The following CHRFAM7A variants were observed in gnomAD, a reference collection of about 807,000 sequenced individuals.
The protein encoded by CHRFAM7A is CHRNA7 (exons 5-10) and FAM7A (exons A-E) fusion.
A neutral mutation model predicts 29.2 loss-of-function variants in CHRFAM7A; 3 were observed. That is an observed-to-expected ratio of 0.10 (90% CI 0.05 to 0.27). The LOEUF (loss-of-function observed/expected upper bound fraction) is 0.27, where lower values mean the gene tolerates loss of function less well. CHRFAM7A is among the 10% of genes least tolerant of loss of function. The probability of loss-of-function intolerance (pLI) is 1.00; values close to 1 mark genes in which losing one functional copy is unlikely to be tolerated. For missense variants in CHRFAM7A, 22 were observed against 328.0 expected, an observed-to-expected ratio of 0.07 and a Z score of 7.21; for synonymous variants, 7 against 135.4, an observed-to-expected ratio of 0.05 and a Z score of 6.58.
chr15:30,375,810 T>C (rs1220245411), intron 5 of CHRFAM7A, among the ~76,000 whole-genome samples: 3 of 144,588 alleles, frequency 2.1e-5, no homozygotes, highest in Admixed American at 6.8e-5. Context: ...ATGTGAGTGG[T>C]TGTGTGAGTG....
intron 9 of CHRFAM7A, among the ~76,000 whole-genome samples, chr15:30,365,801 CTTTTTTTTTTTTTTTTT>C (rs1165285566): frequency 6.7e-5 from 5 of 74,258 alleles, no homozygotes; most frequent in Non-Finnish European, 1.2e-4. Context: ...ACAAGTGAGT[CTTTTTTTTTTTTTTTTT>C]TTTTTTTTTT....
chr15:30,366,463 C>CT (rs1462807834), intron 9 of CHRFAM7A, among the ~76,000 whole-genome samples: 1 of 114,230 alleles, frequency 8.8e-6, no homozygotes, highest in East Asian at 2.8e-4. Flanking sequence ...GAGAGGATCC[C>CT]TGGGTGGGTG....
intron 7 of CHRFAM7A, among the ~76,000 whole-genome samples, chr15:30,371,767 A>C (rs1393645350): frequency 6.9e-6 from 1 of 144,508 alleles, no homozygotes; most frequent in African/African-American, 2.6e-5. Flanking sequence ...TACACTGGGT[A>C]CTGTAACATA....
At chr15:30,374,886 TG>T (rs1321005895) in intron 5 of CHRFAM7A, among the ~76,000 whole-genome samples, 11 of 118,518 alleles carry the variant, frequency 9.3e-5, no homozygotes, top group Non-Finnish European at 1.6e-4. Context: ...GGCAGCATCC[TG>T]GGACTCGTTC....
Position 30,361,577 on chromosome 15 carries a change from C to T in CHRFAM7A, c.*716G>A, listed in dbSNP as rs2058741994. On this transcript the variant is annotated 3_prime_UTR_variant, in exon 10 of 10. Transcript: ENST00000299847. The stretch of plus-strand genomic sequence containing the variant: ...TATCTGGGATCCACCAAAGACACTC[C>T]GCGGGGCCTGGCCCTTGTTCAGAAT... The T allele has an allele frequency of 8.0e-6, 1 of 124,426 alleles. No individual in the cohort carries two copies. The highest frequency in any genetic ancestry group is 1.7e-5 in the Non-Finnish European group (1 of 58,950). The allele number at this position is 124,426 out of a possible 1,614,324, so 7.7% of individuals were successfully genotyped here. A position where few individuals can be genotyped will look rare whatever the true frequency, so the allele number is the denominator to read the frequency against.
At chr15:30,376,249 G>T (rs1037510564) in intron 5 of CHRFAM7A, among the ~76,000 whole-genome samples, 2 of 142,582 alleles carry the variant, frequency 1.4e-5, no homozygotes, top group Non-Finnish European at 3.1e-5. Flanking sequence ...TGGTAGTTAG[G>T]TGTGGAGGTA....
chr15:30,373,559 G>A (rs2058889753), intron 5 of CHRFAM7A, among the ~76,000 whole-genome samples: 1 of 131,128 alleles, frequency 7.6e-6, no homozygotes, highest in African/African-American at 2.8e-5. Context: ...TTTGGTGCGG[G>A]GTGAGGTAGG....
intron 5 of CHRFAM7A, among the ~76,000 whole-genome samples, chr15:30,376,051 AGT>A (rs1192960086): frequency 2.4e-3 from 334 of 141,566 alleles, no homozygotes; most frequent in Middle Eastern, 8.6e-3. Flanking sequence ...TTGTGTGAAC[AGT>A]GTGTGTGGGT....
chr15:30,367,441 CG>C lies in CHRFAM7A; in HGVS notation c.696del (p.Asp233ThrfsTer14), dbSNP rs2058801611. On this transcript the variant is annotated frameshift_variant, in exon 9 of 10. Transcript: ENST00000299847. LOFTEE classifies it high-confidence loss of function. ...ACCCACTTGGGCATCTTGCCCCCGT[CG>C]GGGTCGTGGTGGTGGTACTGCAGCA... ...VIVLQYHHHD[P>X]DGGKMPKWTR... 1 of 1,607,898 alleles carries C rather than the reference CG, an allele frequency of 6.2e-7. No individual in the cohort carries two copies. Among genetic ancestry groups the C allele is most frequent in the African/African-American group, 1.3e-5 (1 of 74,374 alleles).
intron 9 of CHRFAM7A, 105 bp from the exon 10 acceptor site, chr15:30,362,916 G>T (rs1369221376): frequency 7.0e-7 from 1 of 1,434,658 alleles, no homozygotes; most frequent in Admixed American, 2.0e-5. Flanking sequence ...GGTCCTGGGG[G>T]TAGCAGCCTC....
In CHRFAM7A at chr15:30,371,076, A is replaced by G; in HGVS notation, c.610+22T>C. 3 of 964,628 alleles carry G rather than the reference A, an allele frequency of 3.1e-6. 1 individual carries two copies. In the South Asian group the frequency reaches 4.4e-5, roughly 14 times the overall value. 59.8% of individuals were successfully genotyped at this position (964,628 alleles called of 1,614,324 possible). On this transcript the variant is annotated intron_variant, in intron 8 of 9. Transcript: ENST00000299847. ...AACCCTAACCCCATATCTCTAAGAG[A>G]GGAGCCCAACTCTTGCCTTACCTAT...
chr15:30,373,464 G>A (rs2140885869), intron 5 of CHRFAM7A, among the ~76,000 whole-genome samples: 1 of 134,414 alleles, frequency 7.4e-6, no homozygotes, highest in Non-Finnish European at 1.6e-5. Context: ...AGTAAAGAAT[G>A]CAAAATATCT....
At chr15:30,367,774 A>G (rs1333700937) in intron 8 of CHRFAM7A, among the ~76,000 whole-genome samples, 10 of 118,306 alleles carry the variant, frequency 8.5e-5, no homozygotes, top group African/African-American at 2.3e-4. Flanking sequence ...TTGTCAGTCA[A>G]TAAGAGCTAG....
chr15:30,377,687 G>A (rs1210380089), intron 4 of CHRFAM7A, among the ~76,000 whole-genome samples: 6 of 140,742 alleles, frequency 4.3e-5, no homozygotes, highest in African/African-American at 1.6e-4. Context: ...TCATCCTCCT[G>A]CCTCAGCTTC....
In CHRFAM7A at chr15:30,376,004, G is replaced by C. The variant is rs1347232550; in HGVS notation, c.160+1026C>G. ...AGTCGTGGGTGGTATGTGAGTGGTT[G>C]TGTGAGTGGTGTGTGTGATTGTGAG... On this transcript the variant is annotated intron_variant, in intron 5 of 9. Coordinates refer to ENST00000299847, the MANE Select transcript of CHRFAM7A (RefSeq NM_139320.2). Among the ~76,000 whole-genome samples, 9 of 150,390 alleles carry C rather than the reference G, an allele frequency of 6.0e-5. No homozygotes were observed. The South Asian group carries it at 8.3e-4, about 14-fold the overall frequency.
At chr15:30,367,362 G>T (rs2058799304) in intron 9 of CHRFAM7A, 56 bp downstream of exon 9, 1 of 1,576,274 alleles carries the variant, frequency 6.3e-7, no homozygotes, top group Non-Finnish European at 8.7e-7. Flanking sequence ...ATAAACCCTA[G>T]GAGGAGCCTC....
intron 5 of CHRFAM7A, among the ~76,000 whole-genome samples, chr15:30,376,152 GGT>G (rs1218650944): frequency 5.3e-5 from 8 of 151,406 alleles, no homozygotes; most frequent in South Asian, 2.1e-4. Flanking sequence ...GTGTGTGAGT[GGT>G]GTGTGTGAGG....
chr15:30,376,198 GAGTGGT>G (rs750947907), intron 5 of CHRFAM7A, among the ~76,000 whole-genome samples: 21 of 114,166 alleles, frequency 1.8e-4, no homozygotes, highest in African/African-American at 4.1e-4. Flanking sequence ...GAGTGGCTGT[GAGTGGT>G]TGTGAGTGGT....
At chr15:30,374,485 G>A (rs1047530205) in intron 5 of CHRFAM7A, among the ~76,000 whole-genome samples, 2 of 138,760 alleles carry the variant, frequency 1.4e-5, no homozygotes, top group Non-Finnish European at 3.1e-5. Context: ...AACCCACCTT[G>A]TCTGCCAGTT....
Sources: allele counts gnomAD v4.1 joint callset (sites outside exome capture counted in the v4.1 genomes callset), GRCh38; gene constraint gnomAD v4.1.1; transcripts MANE v1.5; gene names NCBI Gene and HGNC (gene_info 2026-07-23, HGNC 2026-07-21).